The following LTV1 variants were observed in gnomAD, a reference collection of about 807,000 sequenced individuals.
LTV1 encodes protein LTV1 homolog.
LTV1 carries 39 observed loss-of-function variants against 59.9 expected under a neutral mutation model. The ratio of observed to expected loss-of-function variants is 0.65; its 90% CI spans 0.50 to 0.85. The LOEUF (loss-of-function observed/expected upper bound fraction) is 0.85, where lower values mean the gene tolerates loss of function less well. LTV1 is among the 40% of genes least tolerant of loss of function. LTV1 has a pLI of 0.00. For missense variants in LTV1, 493 were observed against 549.1 expected (o/e 0.90, Z 1.02); for synonymous variants, 171 against 189.5 (o/e 0.90, Z 0.80).
In LTV1 at chr6:143,855,478, C is replaced by A. The variant is rs1777060148; in HGVS notation, c.398-1825C>A. Among the ~76,000 whole-genome samples the A allele has an allele frequency of 6.6e-6, 1 of 152,154 alleles. No homozygotes were observed. The highest frequency in any genetic ancestry group is 2.4e-5 in the African/African-American group (1 of 41,434). ...TAATATTGTAATGTGTTATTTGATT[C>A]TGTCATTATGATGCTAGCTGGTTAT... On this transcript the variant is annotated intron_variant, in intron 4 of 10. Coordinates refer to ENST00000367576, the MANE Select transcript of LTV1 (RefSeq NM_032860.5). The surrounding 1 kb of genome is among the most constrained non-coding windows in gnomAD (Gnocchi z 4.6).
rs1054642013 is a variant in LTV1 at position 143,855,875 on chromosome 6, A to AT, written c.398-1421dup. On this transcript the variant is annotated intron_variant, in intron 4 of 10. Transcript: ENST00000367576. The surrounding 1 kb of genome is among the most constrained non-coding windows in gnomAD (Gnocchi z 4.6). ...ACCTTTCTCTCTGGCTGCCCTTAAC[A>AT]TTTTTTTCTTCATTTCAACCTTCGT... Among the ~76,000 whole-genome samples the AT allele has an allele frequency of 6.6e-6, 1 of 151,572 alleles. No homozygotes were observed. The highest frequency in any genetic ancestry group is 1.5e-5 in the Non-Finnish European group (1 of 67,922).
chr6:143,862,955 A>G lies in LTV1; in HGVS notation c.1116+59A>G, dbSNP rs1582944659. 23 of 1,469,630 alleles carry G rather than the reference A, an allele frequency of 1.6e-5. No individual in the cohort carries two copies. The highest frequency in any genetic ancestry group is 3.4e-5 in the Admixed American group (2 of 59,274). The allele number at this position is 1,469,630 out of a possible 1,614,324, so 91.0% of individuals were successfully genotyped here. Reference sequence around the variant, plus strand: ...GCAGTGCATAAAAAATAGAGTGCACATTTTCGCACAATAACTTTTTATCTT... The same window carrying G: ...GCAGTGCATAAAAAATAGAGTGCACGTTTTCGCACAATAACTTTTTATCTT... On this transcript the variant is annotated intron_variant, in intron 9 of 10. Coordinates refer to ENST00000367576, the MANE Select transcript of LTV1 (RefSeq NM_032860.5). This position sits in a 1 kb window ranked among gnomAD's most constrained non-coding sequence, Gnocchi z 4.2.
rs992259948 is a variant in LTV1, at chr6:143,855,256, C to G, written c.398-2047C>G. 6.6e-6 allele frequency among the ~76,000 whole-genome samples: 1 copy of G among 152,108 alleles called. No individual in the cohort carries two copies. The highest frequency in any genetic ancestry group is 1.5e-5 in the Non-Finnish European group (1 of 68,020). On this transcript the variant is annotated intron_variant, in intron 4 of 10. Coordinates refer to ENST00000367576, the MANE Select transcript of LTV1 (RefSeq NM_032860.5). This position sits in a 1 kb window ranked among gnomAD's most constrained non-coding sequence, Gnocchi z 4.6. ...GGTTTAGAGTCTGTTTTATCAGAGACTAGGATTGCAACACTTGCTGTTTTT... is the reference window on the plus strand; with the variant it reads ...GGTTTAGAGTCTGTTTTATCAGAGAGTAGGATTGCAACACTTGCTGTTTTT...
In LTV1 at chr6:143,857,648, C is replaced by G; in HGVS notation, c.540-104C>G. 7.5e-7 allele frequency: 1 copy of G among 1,332,228 alleles called. No individual in the cohort carries two copies. Among genetic ancestry groups the G allele is most frequent in the Non-Finnish European group, 1.1e-6 (1 of 945,868 alleles). The allele number at this position is 1,332,228 out of a possible 1,614,324, so 82.5% of individuals were successfully genotyped here. On this transcript the variant is annotated intron_variant, in intron 5 of 10. Coordinates refer to ENST00000367576, the MANE Select transcript of LTV1 (RefSeq NM_032860.5). This position sits in a 1 kb window ranked among gnomAD's most constrained non-coding sequence, Gnocchi z 5.2. ...AACACCCTCACTCTTCCTGCCTAGA[C>G]AAGAACCCTTCCTGAAATACCTTCC...
intron 3 of LTV1, 26 bp from the exon 4 acceptor site, chr6:143,850,104 TA>T: frequency 1.3e-6 from 2 of 1,582,128 alleles, no homozygotes; most frequent in Non-Finnish European, 1.7e-6. Flanking sequence ...CAAATAAACC[TA>T]ACCATTGTGC....
rs560992928 is a variant in LTV1, at chr6:143,859,158, C to A, written c.795+1151C>A. Among the ~76,000 whole-genome samples the A allele has an allele frequency of 2.0e-5, 3 of 152,292 alleles. No individual in the cohort carries two copies. The South Asian group carries it at 6.2e-4, about 32-fold the overall frequency. On this transcript the variant is annotated intron_variant, in intron 6 of 10. Transcript: ENST00000367576. ...TCTCATCTGGTGTTTTCAGACATAA[C>A]TAACACTGAGGAATAGAATGGAAGT...
Position 143,843,453 on chromosome 6 carries a change from G to C in LTV1, c.-25G>C. On this transcript the variant is annotated 5_prime_UTR_variant, in exon 1 of 11. Transcript: ENST00000367576. ...GAGGGTGTCATCGCCGCCCCTGTTGGGGGTGAGCGCCGCGCGGCTGCAGCA... is the reference window on the plus strand; with the variant it reads ...GAGGGTGTCATCGCCGCCCCTGTTGCGGGTGAGCGCCGCGCGGCTGCAGCA... 1.9e-6 allele frequency: 3 copies of C among 1,613,100 alleles called. No homozygotes were observed. The highest frequency in any genetic ancestry group is 1.1e-5 in the South Asian group (1 of 91,076).
intron 4 of LTV1, among the ~76,000 whole-genome samples, chr6:143,856,078 T>G (rs910476146): frequency 1.3e-5 from 2 of 152,212 alleles, no homozygotes; most frequent in Non-Finnish European, 2.9e-5. Flanking sequence ...CAATCAAACA[T>G]AGAGATTTGG....
chr6:143,860,620 G>A, intron 7 of LTV1, 67 bp downstream of exon 7: 8 of 1,406,908 alleles, frequency 5.7e-6, no homozygotes, highest in Middle Eastern at 1.9e-4. Context: ...TCCAAAGAAA[G>A]GTCTATAGTA....
chr6:143,848,159 A>C (rs17073121), intron 3 of LTV1, among the ~76,000 whole-genome samples: 3,329 of 152,310 alleles, frequency 0.022, 123 homozygotes, highest in African/African-American at 0.074. Context: ...AATATCTCAC[A>C]AAGGTAAATT....
At chr6:143,847,541 A>C (rs1776913787) in intron 3 of LTV1, among the ~76,000 whole-genome samples, 1 of 152,094 alleles carries the variant, frequency 6.6e-6, no homozygotes, top group African/African-American at 2.4e-5. Flanking sequence ...TTGTATTTTT[A>C]GTAGAGCCGG....
chr6:143,850,078 A>T, intron 3 of LTV1, 53 bp from the exon 4 acceptor site: 1 of 1,403,620 alleles, frequency 7.1e-7, no homozygotes, highest in Non-Finnish European at 1.0e-6. Context: ...CCGGTACACT[A>T]GTTAAGAAGA....
intron 4 of LTV1, among the ~76,000 whole-genome samples, chr6:143,856,366 C>T (rs868616122): frequency 2.6e-5 from 4 of 152,136 alleles, no homozygotes; most frequent in East Asian, 1.9e-4. Flanking sequence ...AGCTTCCTTG[C>T]GTTGGGTTAG....
Position 143,846,238 on chromosome 6 carries a change from G to A in LTV1, c.309+14G>A. On this transcript the variant is annotated intron_variant, in intron 3 of 10. Coordinates refer to ENST00000367576, the MANE Select transcript of LTV1 (RefSeq NM_032860.5). ...CTAGTAATTCCAGTAAGGCTTTTCA[G>A]CAATTTAATTGTGGGAGTGAGGTGA... The A allele has an allele frequency of 6.2e-7, 1 of 1,602,646 alleles. No individual in the cohort carries two copies. The highest frequency in any genetic ancestry group is 8.5e-7 in the Non-Finnish European group (1 of 1,174,468).
chr6:143,857,151 T>C lies in LTV1; in HGVS notation c.398-152T>C, dbSNP rs1453598620. Reference sequence around the variant, plus strand: ...TTTTTGTCTTGGAGTGTTCATTCTTTATTCTTCACTAGACTGAACTTAGTT... The same window carrying C: ...TTTTTGTCTTGGAGTGTTCATTCTTCATTCTTCACTAGACTGAACTTAGTT... On this transcript the variant is annotated intron_variant, in intron 4 of 10. Coordinates refer to ENST00000367576, the MANE Select transcript of LTV1 (RefSeq NM_032860.5). The surrounding 1 kb of genome is among the most constrained non-coding windows in gnomAD (Gnocchi z 5.2). The C allele has an allele frequency of 2.4e-5, 22 of 923,494 alleles. No homozygotes were observed. The highest frequency in any genetic ancestry group is 3.3e-5 in the Non-Finnish European group (20 of 609,330). The allele number at this position is 923,494 out of a possible 1,614,324, so 57.2% of individuals were successfully genotyped here. A position where few individuals can be genotyped will look rare whatever the true frequency, so the allele number is the denominator to read the frequency against.
chr6:143,856,979 G>C (rs1172504618), intron 4 of LTV1, among the ~76,000 whole-genome samples: 1 of 152,236 alleles, frequency 6.6e-6, no homozygotes, highest in Admixed American at 6.5e-5. Flanking sequence ...GAGATCCGCT[G>C]CTCTCTTCAG....
chr6:143,846,298 G>A lies in LTV1; in HGVS notation c.309+74G>A, dbSNP rs542788710. 36 of 1,398,028 alleles carry A rather than the reference G, an allele frequency of 2.6e-5. No homozygotes were observed. In the African/African-American group the frequency reaches 4.7e-4, roughly 18 times the overall value. The allele number at this position is 1,398,028 out of a possible 1,614,324, so 86.6% of individuals were successfully genotyped here. A position where few individuals can be genotyped will look rare whatever the true frequency, so the allele number is the denominator to read the frequency against. ...TTTTGAATCAAGATATCTGTTTGGG[G>A]CAAGAAATGGTGTCCGTATGAAGAG... On this transcript the variant is annotated intron_variant, in intron 3 of 10. Coordinates refer to ENST00000367576, the MANE Select transcript of LTV1 (RefSeq NM_032860.5).
In LTV1 at chr6:143,857,283, A is replaced by G; in HGVS notation, c.398-20A>G. 1 of 1,612,830 alleles carries G rather than the reference A, an allele frequency of 6.2e-7. No homozygotes were observed. The highest frequency in any genetic ancestry group is 1.1e-5 in the South Asian group (1 of 90,982). ...GTTGCTATCTTGGGAATTACTGCTTAATTTTTGTTTTCCTTCTAGGACCTC... is the reference window on the plus strand; with the variant it reads ...GTTGCTATCTTGGGAATTACTGCTTGATTTTTGTTTTCCTTCTAGGACCTC... On this transcript the variant is annotated intron_variant, in intron 4 of 10. Transcript: ENST00000367576. This position sits in a 1 kb window ranked among gnomAD's most constrained non-coding sequence, Gnocchi z 5.2.
chr6:143,848,324 T>G (rs1776927290), intron 3 of LTV1, among the ~76,000 whole-genome samples: 2 of 152,190 alleles, frequency 1.3e-5, no homozygotes, highest in South Asian at 4.1e-4. Flanking sequence ...AATTGTACAC[T>G]TTAGGTGAAT....
Sources: allele counts gnomAD v4.1 joint callset (sites outside exome capture counted in the v4.1 genomes callset), GRCh38; gene constraint gnomAD v4.1.1; non-coding constraint Gnocchi (gnomAD v3.1); transcripts MANE v1.5; gene names NCBI Gene and HGNC (gene_info 2026-07-23, HGNC 2026-07-21).